The following C1GALT1 variants were observed in gnomAD, a reference collection of about 807,000 sequenced individuals.
The protein encoded by C1GALT1 is glycoprotein-N-acetylgalactosamine 3-beta-galactosyltransferase 1.
Under a neutral mutation model 31.0 loss-of-function variants are expected in C1GALT1, and 11 were observed. The ratio of observed to expected loss-of-function variants is 0.36; its 90% CI spans 0.22 to 0.59. The LOEUF is 0.59. Ranked by LOEUF, C1GALT1 falls within the 20% of genes least tolerant of loss-of-function variation. The pLI, the probability that C1GALT1 is intolerant of heterozygous loss-of-function variation, is 0.79. For missense variants in C1GALT1, 424 were observed against 425.2 expected (o/e 1.00, Z 0.03); for synonymous variants, 175 against 143.6 (o/e 1.22, Z -1.56).
intron 1 of C1GALT1, among the ~76,000 whole-genome samples, chr7:7,212,778 G>A (rs1782064718): frequency 6.6e-6 from 1 of 152,072 alleles, no homozygotes. Flanking sequence ...TCACAAGGGA[G>A]GGGAGGGTGT....
intron 1 of C1GALT1, among the ~76,000 whole-genome samples, chr7:7,221,787 C>G (rs1782520372): frequency 6.6e-6 from 1 of 152,170 alleles, no homozygotes; most frequent in Non-Finnish European, 1.5e-5. Flanking sequence ...TGTCAGACTC[C>G]TAGTGTCTGT....
intron 1 of C1GALT1, among the ~76,000 whole-genome samples, chr7:7,200,490 C>T (rs200778504): frequency 2.6e-5 from 4 of 151,818 alleles, no homozygotes; most frequent in African/African-American, 9.7e-5. Flanking sequence ...TTGCTCTTCT[C>T]GAAGAGTATC....
intron 2 of C1GALT1, among the ~76,000 whole-genome samples, chr7:7,164,928 T>C (rs918381057): frequency 6.6e-6 from 1 of 152,168 alleles, no homozygotes; most frequent in Non-Finnish European, 1.5e-5. Context: ...TTTGATTGCA[T>C]GTAAATATTA....
At chr7:7,183,379 C>T (rs769727815) in intron 1 of C1GALT1, among the ~76,000 whole-genome samples, 6 of 152,186 alleles carry the variant, frequency 3.9e-5, no homozygotes, top group Non-Finnish European at 8.8e-5. Flanking sequence ...TTGCTTGGGT[C>T]TAGCTTGGAT....
At chr7:7,220,565 T>A (rs1015202145) in intron 1 of C1GALT1, among the ~76,000 whole-genome samples, 7 of 152,162 alleles carry the variant, frequency 4.6e-5, no homozygotes, top group Non-Finnish European at 1.0e-4. Context: ...GTCGCCAGGC[T>A]GGAGTGCAGT....
At chr7:7,176,028 G>A (rs1012184119) in intron 2 of C1GALT1, among the ~76,000 whole-genome samples, 21 of 152,146 alleles carry the variant, frequency 1.4e-4, no homozygotes, top group Non-Finnish European at 2.2e-4. Context: ...TATGCCTGGA[G>A]ACAGCATGGA....
rs532479953 is a variant in C1GALT1 at position 7,186,125 on chromosome 7, G to A, written c.-18+3305G>A. On this transcript the variant is annotated intron_variant, in intron 1 of 3. Coordinates refer to ENST00000436587, the MANE Select transcript of C1GALT1 (RefSeq NM_020156.5). ...CAGGGCACCACATGGTGAGGGGGCCGAGCATGCTAGCCCAGAACTCTTTCT... is the reference window on the plus strand; with the variant it reads ...CAGGGCACCACATGGTGAGGGGGCCAAGCATGCTAGCCCAGAACTCTTTCT... 1.6e-3 allele frequency among the ~76,000 whole-genome samples: 238 copies of A among 149,628 alleles called. 2 individuals carry two copies. The highest frequency in any genetic ancestry group is 0.01 in the Middle Eastern group (3 of 292).
chr7:7,217,748 A>G (rs1583799193), intron 1 of C1GALT1, among the ~76,000 whole-genome samples: 1 of 152,136 alleles, frequency 6.6e-6, no homozygotes, highest in East Asian at 1.9e-4. Context: ...ATCATAGTTC[A>G]TTGCAGCCTT....
At chr7:7,196,993 G>T (rs560235665) in intron 1 of C1GALT1, among the ~76,000 whole-genome samples, 1 of 152,146 alleles carries the variant, frequency 6.6e-6, no homozygotes, top group Non-Finnish European at 1.5e-5. Flanking sequence ...TGTGTAGGTT[G>T]CCCGTTCACT....
intron 1 of C1GALT1, among the ~76,000 whole-genome samples, chr7:7,206,649 C>A: frequency 6.7e-6 from 1 of 149,030 alleles, no homozygotes; most frequent in African/African-American, 2.5e-5. Flanking sequence ...GCACTCCAGC[C>A]TGGGCAACAA....
chr7:7,239,581 C>T (rs1783529660), intron 3 of C1GALT1, among the ~76,000 whole-genome samples: 1 of 152,140 alleles, frequency 6.6e-6, no homozygotes, highest in East Asian at 1.9e-4. Flanking sequence ...CATAATGTAC[C>T]TGTCTTATTT....
At chr7:7,187,854 G>C (rs1446097146) in intron 1 of C1GALT1, among the ~76,000 whole-genome samples, 4 of 152,142 alleles carry the variant, frequency 2.6e-5, no homozygotes, top group Non-Finnish European at 5.9e-5. Context: ...AAAAGACGAG[G>C]CTGGAAACCT....
intron 1 of C1GALT1, among the ~76,000 whole-genome samples, chr7:7,203,677 G>A (rs1781612288): frequency 6.6e-6 from 1 of 150,832 alleles, no homozygotes; most frequent in African/African-American, 2.4e-5. Context: ...TTTTTAGGTT[G>A]CTCTCATTTC....
intron 1 of C1GALT1, among the ~76,000 whole-genome samples, chr7:7,207,779 T>C (rs531054012): frequency 6.9e-6 from 1 of 145,872 alleles, no homozygotes; most frequent in East Asian, 2.1e-4. Flanking sequence ...CAGGGTGTGC[T>C]TTTTTTCTTT....
chr7:7,202,864 G>A (rs1183545440), intron 1 of C1GALT1, among the ~76,000 whole-genome samples: 1 of 152,076 alleles, frequency 6.6e-6, no homozygotes, highest in African/African-American at 2.4e-5. Context: ...AACATGTAAT[G>A]TCTTTCTAAT....
chr7:7,189,760 G>A (rs1052328279), intron 1 of C1GALT1, among the ~76,000 whole-genome samples: 3 of 151,952 alleles, frequency 2.0e-5, no homozygotes, highest in Non-Finnish European at 4.4e-5. Context: ...ATCTCAATTC[G>A]TAATATCAAA....
chr7:7,224,264 T>G (rs1782648909), intron 1 of C1GALT1, among the ~76,000 whole-genome samples: 1 of 151,258 alleles, frequency 6.6e-6, no homozygotes, highest in Non-Finnish European at 1.5e-5. Flanking sequence ...TGTAGTTTTT[T>G]TTGGTTTTTT....
chr7:7,183,465 G>C (rs1469229120), intron 1 of C1GALT1: 16 of 337,110 alleles, frequency 4.7e-5, no homozygotes, highest in Non-Finnish European at 6.3e-5. Context: ...TGTGTGTTGG[G>C]GCATTCGGGG....
chr7:7,209,835 C>T (rs982159679), intron 1 of C1GALT1, among the ~76,000 whole-genome samples: 2 of 151,948 alleles, frequency 1.3e-5, no homozygotes, highest in Non-Finnish European at 2.9e-5. Flanking sequence ...GGAGAGTCAG[C>T]GAAGGGAGAT....
Sources: gnomAD v4.1 joint callset for allele counts (sites outside exome capture counted in the v4.1 genomes callset) on GRCh38, gnomAD v4.1.1 for gene constraint, MANE v1.5 for transcripts, NCBI Gene and HGNC (gene_info 2026-07-23, HGNC 2026-07-21) for gene names.